The following CEP41 variants were observed in gnomAD, a reference collection of about 807,000 sequenced individuals.
The protein encoded by CEP41 is centrosomal protein of 41 kDa.
Under a neutral mutation model 44.3 loss-of-function variants are expected in CEP41, and 32 were observed. The ratio of observed to expected loss-of-function variants is 0.72; its 90% confidence interval spans 0.54 to 0.97. The LOEUF is 0.97. Among genes scored for constraint, CEP41 ranks in the 50% least tolerant of loss-of-function variants. CEP41 has a pLI of 0.00. For missense variants in CEP41, 432 were observed against 455.2 expected (o/e 0.95, Z 0.46); for synonymous variants, 151 against 168.5 (o/e 0.90, Z 0.80).
chr7:130,404,147 C>A (rs1796936022), intron 6 of CEP41, among the ~76,000 whole-genome samples: 1 of 152,184 alleles, frequency 6.6e-6, no homozygotes, highest in African/African-American at 2.4e-5. Context: ...CTGCTTTTTC[C>A]TTTGCACCTA....
intron 1 of CEP41, among the ~76,000 whole-genome samples, chr7:130,438,777 C>T (rs1225561505): frequency 6.6e-6 from 1 of 152,110 alleles, no homozygotes; most frequent in African/African-American, 2.4e-5. Context: ...ACCTATCTCT[C>T]CCACCCCCAT....
intron 5 of CEP41, among the ~76,000 whole-genome samples, chr7:130,410,476 G>A (rs936203261): frequency 5.3e-5 from 8 of 152,166 alleles, no homozygotes; most frequent in African/African-American, 1.9e-4. Flanking sequence ...GGATGCTACT[G>A]GGCACACTTA....
intron 1 of CEP41, among the ~76,000 whole-genome samples, chr7:130,438,063 A>C (rs1798029044): frequency 6.6e-6 from 1 of 152,098 alleles, no homozygotes; most frequent in Non-Finnish European, 1.5e-5. Flanking sequence ...CACACTCCTA[A>C]AACTATTCCT....
chr7:130,402,875 T>C (rs895491491), intron 6 of CEP41, 76 bp from the exon 7 acceptor site: 14 of 1,447,494 alleles, frequency 9.7e-6, no homozygotes, highest in African/African-American at 5.6e-5. Context: ...CTCTTCAGAA[T>C]AGTGAGGTGA....
In CEP41 at chr7:130,398,333, A is replaced by AAT. The variant is rs1369577386; in HGVS notation, c.*556_*557dup. 3 of 453,958 alleles carry AAT rather than the reference A, an allele frequency of 6.6e-6. No homozygotes were observed. The highest frequency in any genetic ancestry group is 6.0e-5 in the African/African-American group (3 of 49,976). The allele number at this position is 453,958 out of a possible 1,614,324, so 28.1% of individuals were successfully genotyped here. The stretch of plus-strand genomic sequence containing the variant: ...CTTCCATACTCAAAACAGGGCCTGC[A>AAT]ATATGCTGGGCAGAGAGCTCCTTGC... On this transcript the variant is annotated 3_prime_UTR_variant, in exon 11 of 11. Transcript: ENST00000223208.
chr7:130,440,908 C>T (rs1798136046), intron 1 of CEP41, 26 bp downstream of exon 1: 1 of 1,609,810 alleles, frequency 6.2e-7, no homozygotes, highest in African/African-American at 1.3e-5. Context: ...CCCCCTCCGG[C>T]TCTCCGGCCG....
At position 130,402,649 on chromosome 7, in the gene CEP41, T is replaced by TC; in HGVS notation, c.572dup (p.Ala192SerfsTer11). On this transcript the variant is annotated frameshift_variant and splice_region_variant, in exon 7 of 11. Coordinates refer to ENST00000223208, the MANE Select transcript of CEP41 (RefSeq NM_018718.3). LOFTEE classifies it high-confidence loss of function. ...ACTTTAAAGCCTTCTCTCTCTTACC[T>TC]CCAACAATGTGGCACTGCTGGTAAG... 1 of 1,614,020 alleles carries TC rather than the reference T, an allele frequency of 6.2e-7. No individual in the cohort carries two copies. The highest frequency in any genetic ancestry group is 8.5e-7 in the Non-Finnish European group (1 of 1,179,960).
intron 8 of CEP41, 119 bp from the exon 9 acceptor site, chr7:130,400,940 G>C (rs1368483347): frequency 3.6e-5 from 26 of 719,048 alleles, no homozygotes; most frequent in Non-Finnish European, 5.6e-5. Flanking sequence ...CGATGGACAA[G>C]CCCATTCCTA....
Position 130,402,797 on chromosome 7 carries a change from A to T in CEP41, c.425T>A (p.Val142Asp). ...ATCCAGTTCCCCAACACCACTGATGACACTGCAAGTGAAAAAGTAGGTCAG... is the reference window on the plus strand; with the variant it reads ...ATCCAGTTCCCCAACACCACTGATGTCACTGCAAGTGAAAAAGTAGGTCAG... ...GDSSRSTLQSVISGVGELDLD... is the reference protein window; with the variant it reads ...GDSSRSTLQSDISGVGELDLD... Residue 142 changes from valine to aspartate, a missense_variant and splice_region_variant, in exon 7 of 11, where the codon GTC becomes GAC. Val to Asp is a radical substitution (Grantham distance 152). Coordinates refer to ENST00000223208, the MANE Select transcript of CEP41 (RefSeq NM_018718.3). 6.2e-7 allele frequency: 1 copy of T among 1,614,116 alleles called. No homozygotes were observed. The highest frequency in any genetic ancestry group is 8.5e-7 in the Non-Finnish European group (1 of 1,179,980).
chr7:130,399,615 C>T (rs868991718), intron 10 of CEP41: 4 of 228,030 alleles, frequency 1.8e-5, no homozygotes, highest in Non-Finnish European at 3.5e-5. Flanking sequence ...GCCAGAAGTT[C>T]GAGACCAGCC....
chr7:130,414,151 A>G (rs185325496), intron 3 of CEP41, among the ~76,000 whole-genome samples: 169 of 152,356 alleles, frequency 1.1e-3, no homozygotes, highest in African/African-American at 3.8e-3. Context: ...TTTTAAAAAT[A>G]GGGAATTAAA....
chr7:130,414,701 C>T (rs1276191005), intron 3 of CEP41, among the ~76,000 whole-genome samples: 1 of 152,210 alleles, frequency 6.6e-6, no homozygotes, highest in Non-Finnish European at 1.5e-5. Flanking sequence ...TTTAGAAGGA[C>T]AGCCGTCAGT....
intron 2 of CEP41, chr7:130,426,833 CT>C: frequency 3.4e-6 from 1 of 293,896 alleles, no homozygotes; most frequent in Non-Finnish European, 6.7e-6. Flanking sequence ...AATCCTAGTT[CT>C]CTCTCCTTTA....
chr7:130,401,852 C>T (rs1554417002), intron 8 of CEP41, 29 bp downstream of exon 8: 2 of 1,434,164 alleles, frequency 1.4e-6, no homozygotes, highest in Admixed American at 1.7e-5. Context: ...CTCATACCAC[C>T]CAATTCCTTA....
Position 130,396,691 on chromosome 7 carries a change from T to G in CEP41, c.*2200A>C, listed in dbSNP as rs781964357. 2 of 454,582 alleles carry G rather than the reference T, an allele frequency of 4.4e-6. No homozygotes were observed. The highest frequency in any genetic ancestry group is 4.4e-6 in the Non-Finnish European group (1 of 226,794). 28.2% of individuals were successfully genotyped at this position (454,582 alleles called of 1,614,324 possible). ...GTAAAGAATGTTTGATATTAACACT[T>G]AACATGCAAAACGCAGATTAGAACA... On this transcript the variant is annotated 3_prime_UTR_variant, in exon 11 of 11. Coordinates refer to ENST00000223208, the MANE Select transcript of CEP41 (RefSeq NM_018718.3).
intron 5 of CEP41, among the ~76,000 whole-genome samples, chr7:130,408,349 G>T (rs909335844): frequency 6.6e-6 from 1 of 151,794 alleles, no homozygotes; most frequent in African/African-American, 2.4e-5. Flanking sequence ...ATTGTTCTCC[G>T]TTGTACAAAG....
chr7:130,427,933 T>C lies in CEP41; in HGVS notation c.97+22A>G, dbSNP rs782174810. 10 of 1,538,900 alleles carry C rather than the reference T, an allele frequency of 6.5e-6. No homozygotes were observed. In the East Asian group the frequency reaches 2.0e-4, roughly 31 times the overall value. ...TTAGCTATTAGATTTTTTTTAATTC[T>C]AATTTTCTAATCTTTACTCACCAGT... On this transcript the variant is annotated intron_variant, in intron 2 of 10. Transcript: ENST00000223208.
Position 130,404,659 on chromosome 7 carries a change from G to A in CEP41, c.327C>T (p.Thr109=), listed in dbSNP as rs1319940976. 8.1e-6 allele frequency: 13 copies of A among 1,612,328 alleles called. No homozygotes were observed. The highest frequency in any genetic ancestry group is 2.7e-5 in the African/African-American group (2 of 74,836). The change falls in exon 6 of 11, where the codon ACC becomes ACT. Residue 109 remains threonine (T), a synonymous_variant. Coordinates refer to ENST00000223208, the MANE Select transcript of CEP41 (RefSeq NM_018718.3). ...GCTCACCTGGATTTCCTTTCCCATT[G>A]GTCCTGGCAGTGGTTTCAGCATCAG... ...SDPDAETTAR[T]NGKGNPGEQS...
intron 1 of CEP41, among the ~76,000 whole-genome samples, chr7:130,438,744 T>G (rs1470929422): frequency 6.6e-6 from 1 of 152,248 alleles, no homozygotes; most frequent in Non-Finnish European, 1.5e-5. Flanking sequence ...AAGATAAATA[T>G]GTGGCAAACT....
Sources: allele counts gnomAD v4.1 joint callset (sites outside exome capture counted in the v4.1 genomes callset), GRCh38; gene constraint gnomAD v4.1.1; transcripts MANE v1.5; gene names NCBI Gene and HGNC (gene_info 2026-07-23, HGNC 2026-07-21).